Variants in PTPRA observed in about 807,000 individuals in gnomAD.
The protein encoded by PTPRA is protein tyrosine phosphatase receptor type A, also known as receptor-type tyrosine-protein phosphatase alpha.
Under a neutral mutation model 104.8 loss-of-function variants are expected in PTPRA, and 25 were observed. The ratio of observed to expected loss-of-function variants is 0.24; its 90% confidence interval spans 0.17 to 0.33. The LOEUF (loss-of-function observed/expected upper bound fraction) is 0.33. PTPRA is among the 10% of genes least tolerant of loss of function. The pLI is 1.00. For synonymous variants in PTPRA, 323 were observed against 368.9 expected, an observed-to-expected ratio of 0.88 and a Z score of 1.43; for missense variants, 765 against 1,015.3, an observed-to-expected ratio of 0.75 and a Z score of 3.35.
chr20:3,028,599 T>C (rs2065263711), intron 20 of PTPRA, among the ~76,000 whole-genome samples: 2 of 152,226 alleles, frequency 1.3e-5, no homozygotes, highest in African/African-American at 4.8e-5. Flanking sequence ...CTGACAATGC[T>C]TATTCTTTTA....
chr20:3,015,482 AT>A (rs1295217030), intron 11 of PTPRA, among the ~76,000 whole-genome samples: 2 of 151,526 alleles, frequency 1.3e-5, no homozygotes, highest in African/African-American at 4.8e-5. Context: ...TAATTTTTGT[AT>A]TTTAGTAGAG....
intron 2 of PTPRA, among the ~76,000 whole-genome samples, chr20:2,947,393 T>C (rs2061174430): frequency 6.6e-6 from 1 of 152,204 alleles, no homozygotes; most frequent in Non-Finnish European, 1.5e-5. Flanking sequence ...AGAATTATAC[T>C]TCCTGTATCT....
chr20:2,864,706 G>C, the PTPRA span: 14 of 1,576,458 alleles, frequency 8.9e-6, no homozygotes, highest in Admixed American at 2.3e-4. This position sits in a 1 kb window ranked among gnomAD's most constrained non-coding sequence, Gnocchi z 5.2. Flanking sequence ...GGCTGGGGCT[G>C]TTGGTCCGGT....
chr20:2,955,278 C>T (rs2061496257), intron 3 of PTPRA, among the ~76,000 whole-genome samples: 1 of 152,210 alleles, frequency 6.6e-6, no homozygotes, highest in Non-Finnish European at 1.5e-5. Context: ...TGTTAATCTG[C>T]AATATAAACC....
intron 1 of PTPRA, among the ~76,000 whole-genome samples, chr20:2,879,982 C>T: frequency 6.6e-6 from 1 of 152,152 alleles, no homozygotes; most frequent in Non-Finnish European, 1.5e-5. Context: ...TTTAACTCCC[C>T]AGGTGATTCT....
In PTPRA at chr20:3,022,951, G is replaced by C; in HGVS notation, c.1464+127G>C. On this transcript the variant is annotated intron_variant, in intron 16 of 23. Coordinates refer to ENST00000399903, the MANE Select transcript of PTPRA (RefSeq NM_001385305.1). The surrounding 1 kb of genome is among the most constrained non-coding windows in gnomAD (Gnocchi z 4.6). ...CTATAGAGTGTGATTGTGGGGGAAAGAAAGATAGATCACACTGTTACCGTG... is the reference window on the plus strand; with the variant it reads ...CTATAGAGTGTGATTGTGGGGGAAACAAAGATAGATCACACTGTTACCGTG... The C allele has an allele frequency of 7.0e-7, 1 of 1,425,230 alleles. No homozygotes were observed. Among genetic ancestry groups the C allele is most frequent in the Admixed American group, 2.1e-5 (1 of 46,612 alleles). The allele number at this position is 1,425,230 out of a possible 1,614,324, so 88.3% of individuals were successfully genotyped here. A position where few individuals can be genotyped will look rare whatever the true frequency, so the allele number is the denominator to read the frequency against.
In PTPRA at chr20:3,027,049, G is replaced by GGT. The variant is rs2065180783; in HGVS notation, c.1709-70_1709-69dup. On this transcript the variant is annotated intron_variant, in intron 18 of 23. Coordinates refer to ENST00000399903, the MANE Select transcript of PTPRA (RefSeq NM_001385305.1). The stretch of plus-strand genomic sequence containing the variant: ...GGGATTCTGTCTGCCCAGGGCCTGA[G>GGT]GTGGGAGCAATGCAAGGAGAGGGAG... 3 of 1,390,812 alleles carry GGT rather than the reference G, an allele frequency of 2.2e-6. No homozygotes were observed. In the Admixed American group the frequency reaches 6.3e-5, roughly 29 times the overall value. 86.2% of individuals were successfully genotyped at this position (1,390,812 alleles called of 1,614,324 possible).
intron 6 of PTPRA, among the ~76,000 whole-genome samples, chr20:2,977,493 A>G (rs1395967513): frequency 1.3e-5 from 2 of 151,816 alleles, no homozygotes. Context: ...TAAAAATACA[A>G]AAATTAACCA....
chr20:2,873,814 C>T lies in PTPRA; in HGVS notation c.-129+54C>T, dbSNP rs1222434644. 6.6e-6 allele frequency: 1 copy of T among 152,208 alleles called. No homozygotes were observed. The highest frequency in any genetic ancestry group is 2.4e-5 in the African/African-American group (1 of 41,446). 9.4% of individuals were successfully genotyped at this position (152,208 alleles called of 1,614,324 possible). ...TGGGCTCCGGAAGGGGGAGCGGCTCCCGGGGGCGGTGGGAGGGGTCCCGGG... is the reference window on the plus strand; with the variant it reads ...TGGGCTCCGGAAGGGGGAGCGGCTCTCGGGGGCGGTGGGAGGGGTCCCGGG... On this transcript the variant is annotated intron_variant, in intron 1 of 23. Transcript: ENST00000399903. The surrounding 1 kb of genome is among the most constrained non-coding windows in gnomAD (Gnocchi z 4.4).
intron 5 of PTPRA, among the ~76,000 whole-genome samples, chr20:2,969,909 G>T (rs1435198203): frequency 1.3e-5 from 2 of 152,050 alleles, no homozygotes; most frequent in Non-Finnish European, 2.9e-5. Flanking sequence ...GGTGGAGCTT[G>T]CAGTGAGCCG....
At chr20:2,932,462 G>T (rs1413994690) in intron 2 of PTPRA, among the ~76,000 whole-genome samples, 1 of 152,172 alleles carries the variant, frequency 6.6e-6, no homozygotes, top group Non-Finnish European at 1.5e-5. Flanking sequence ...GGGTATGAGG[G>T]TTAGGGATGG....
At position 2,936,242 on chromosome 20, in the gene PTPRA, G is replaced by T. The variant is rs2060696135; in HGVS notation, c.-49-11740G>T. ...TACCTTCTCACCTTATTGTATAATGGTGCATATCTCAGAATGTGTCCTTAC... is the reference window on the plus strand; with the variant it reads ...TACCTTCTCACCTTATTGTATAATGTTGCATATCTCAGAATGTGTCCTTAC... On this transcript the variant is annotated intron_variant, in intron 2 of 23. Transcript: ENST00000399903. Among the ~76,000 whole-genome samples the T allele has an allele frequency of 2.0e-5, 3 of 152,132 alleles. 1 individual carries two copies. The highest frequency in any genetic ancestry group is 1.3e-4 in the Admixed American group (2 of 15,264).
chr20:2,945,821 C>T (rs1297268319), intron 2 of PTPRA, among the ~76,000 whole-genome samples: 1 of 151,560 alleles, frequency 6.6e-6, no homozygotes, highest in African/African-American at 2.4e-5. Context: ...CCCAGCTACT[C>T]GAGAGGCTGC....
intron 1 of PTPRA, among the ~76,000 whole-genome samples, chr20:2,910,608 T>TTG (rs2059685153): frequency 9.8e-6 from 1 of 101,554 alleles, no homozygotes; most frequent in Non-Finnish European, 1.9e-5. Context: ...TTGTTTTTTT[T>TTG]AATTTTTTTT....
intron 1 of PTPRA, among the ~76,000 whole-genome samples, chr20:2,905,631 T>C (rs1243978284): frequency 1.3e-5 from 2 of 151,920 alleles, no homozygotes; most frequent in African/African-American, 4.8e-5. Flanking sequence ...ACCAAATTAC[T>C]GTCTTACTAA....
chr20:2,943,532 C>T (rs898417606), intron 2 of PTPRA, among the ~76,000 whole-genome samples: 1 of 152,066 alleles, frequency 6.6e-6, no homozygotes, highest in African/African-American at 2.4e-5. Flanking sequence ...ATGTAAATCT[C>T]ATCCAAAAAA....
intron 1 of PTPRA, among the ~76,000 whole-genome samples, chr20:2,909,418 A>G (rs2059542222): frequency 6.6e-6 from 1 of 152,084 alleles, no homozygotes; most frequent in Non-Finnish European, 1.5e-5. Flanking sequence ...CCACGTCTCT[A>G]CTAAAAATAC....
intron 9 of PTPRA, among the ~76,000 whole-genome samples, chr20:3,004,804 A>C (rs2063791018): frequency 1.3e-5 from 2 of 152,266 alleles, no homozygotes; most frequent in African/African-American, 4.8e-5. Flanking sequence ...TGGAAAGAGC[A>C]TGCTATACTT....
At chr20:3,036,068 T>C in intron 22 of PTPRA, 127 bp downstream of exon 22, 1 of 1,473,018 alleles carries the variant, frequency 6.8e-7, no homozygotes, top group Non-Finnish European at 9.1e-7. Flanking sequence ...ACATAGTAGT[T>C]GAGATTGATG....
Sources: allele counts gnomAD v4.1 joint callset (sites outside exome capture counted in the v4.1 genomes callset), GRCh38; gene constraint gnomAD v4.1.1; non-coding constraint Gnocchi (gnomAD v3.1); transcripts MANE v1.5; gene names NCBI Gene and HGNC (gene_info 2026-07-23, HGNC 2026-07-21).